The following TMEM167B variants were observed in gnomAD, a reference collection of about 807,000 sequenced individuals.
TMEM167B encodes transmembrane protein 167B, also known as protein kish-B.
TMEM167B carries 2 observed loss-of-function variants against 9.4 expected under a neutral mutation model. The observed-to-expected ratio is 0.21, with a 90% confidence interval of 0.09 to 0.67. The LOEUF (loss-of-function observed/expected upper bound fraction) is 0.67, where lower values mean the gene tolerates loss of function less well. TMEM167B is among the 30% of genes least tolerant of loss of function. TMEM167B has a pLI of 0.82. For synonymous variants in TMEM167B, 28 were observed against 32.0 expected (o/e 0.87, Z 0.42); for missense variants, 68 against 87.6 (o/e 0.78, Z 0.89).
Position 109,090,820 on chromosome 1 carries a change from G to C in TMEM167B, c.-53G>C. 1 of 1,566,750 alleles carries C rather than the reference G, an allele frequency of 6.4e-7. No individual in the cohort carries two copies. Among genetic ancestry groups the C allele is most frequent in the Admixed American group, 1.9e-5 (1 of 53,654 alleles). On this transcript the variant is annotated 5_prime_UTR_variant, in exon 1 of 3. Coordinates refer to ENST00000338272, the MANE Select transcript of TMEM167B (RefSeq NM_020141.4). ...GTCAAGCGGGCGCTCCCCCATCTCC[G>C]CCGCTATTACCACTGAACCCGGACC... is the stretch of plus-strand genomic sequence containing the variant.
chr1:109,093,318 C>T, intron 2 of TMEM167B: 1 of 277,858 alleles, frequency 3.6e-6, no homozygotes, highest in East Asian at 8.5e-5. Flanking sequence ...ACAGTGAGAC[C>T]CCATTTCTAC....
intron 1 of TMEM167B, 29 bp downstream of exon 1, chr1:109,090,911 G>A (rs374159165): frequency 6.3e-7 from 1 of 1,579,628 alleles, no homozygotes. Context: ...AGCGGAGGGT[G>A]GGAGTGAAGG....
intron 2 of TMEM167B, chr1:109,093,518 A>T (rs1183951540): frequency 6.5e-6 from 1 of 152,918 alleles, no homozygotes; most frequent in Admixed American, 6.5e-5. Context: ...ATTTAAAAAC[A>T]TAATTGTCTA....
rs773322002 is a variant in TMEM167B, at chr1:109,093,042, G to A, written c.142+21G>A. 1.9e-6 allele frequency: 3 copies of A among 1,613,708 alleles called. No homozygotes were observed. The Admixed American group carries it at 5.0e-5, about 27-fold the overall frequency. ...CAAAGGTGAGGCCATGTCTGGACAG[G>A]GAGAAGAGACTGCCATCTCTGGACA... On this transcript the variant is annotated intron_variant, in intron 2 of 2. Transcript: ENST00000338272.
chr1:109,092,770 C>T, intron 1 of TMEM167B, 120 bp from the exon 2 acceptor site: 2 of 1,137,444 alleles, frequency 1.8e-6, no homozygotes, highest in Non-Finnish European at 2.5e-6. Context: ...TCAGTACTGC[C>T]TGTTGAGGTT....
Position 109,094,458 on chromosome 1 carries a change from G to A in TMEM167B, c.184G>A (p.Ala62Thr), listed in dbSNP as rs1329296866. 2.5e-6 allele frequency: 4 copies of A among 1,613,940 alleles called. No homozygotes were observed. The Admixed American group carries it at 6.7e-5, about 27-fold the overall frequency. Reference protein sequence around the residue: ...GTRLHAAVAIACVVMAFYVLF... With the variant: ...GTRLHAAVAITCVVMAFYVLF... ...CAGGCTGCATGCTGCTGTGGCAATT[G>A]CTTGTGTTGTAATGGCCTTTTACGT... The change falls in exon 3 of 3, where the codon GCT becomes ACT. Residue 62 changes from alanine to threonine, a missense_variant. By Grantham distance (58) the Ala-to-Thr change is moderately conservative. Coordinates refer to ENST00000338272, the MANE Select transcript of TMEM167B (RefSeq NM_020141.4).
At position 109,095,586 on chromosome 1, in the gene TMEM167B, T is replaced by G. The variant is rs1175915407; in HGVS notation, c.*1087T>G. 2 of 152,210 alleles carry G rather than the reference T, an allele frequency of 1.3e-5. No homozygotes were observed. Among genetic ancestry groups the G allele is most frequent in the Non-Finnish European group, 2.9e-5 (2 of 68,040 alleles). The allele number at this position is 152,210 out of a possible 1,614,324, so 9.4% of individuals were successfully genotyped here. A position where few individuals can be genotyped will look rare whatever the true frequency, so the allele number is the denominator to read the frequency against. On this transcript the variant is annotated 3_prime_UTR_variant, in exon 3 of 3. Transcript: ENST00000338272. ...ATTACTTATTTTTCTTAGCCAAATT[T>G]TAATTTTCTTCATATTGCATTGCTC...
chr1:109,095,868 A>G lies in TMEM167B; in HGVS notation c.*1369A>G, dbSNP rs966281537. On this transcript the variant is annotated 3_prime_UTR_variant, in exon 3 of 3. Coordinates refer to ENST00000338272, the MANE Select transcript of TMEM167B (RefSeq NM_020141.4). ...ACTTCTCCATTCCCTGCTTATATCT[A>G]TGGAAGGATCAGCTGTTGGATGTCT... is the stretch of plus-strand genomic sequence containing the variant. The G allele has an allele frequency of 2.0e-5, 3 of 152,190 alleles. No homozygotes were observed. The highest frequency in any genetic ancestry group is 7.2e-5 in the African/African-American group (3 of 41,452). The allele number at this position is 152,190 out of a possible 1,614,324, so 9.4% of individuals were successfully genotyped here. A position where few individuals can be genotyped will look rare whatever the true frequency, so the allele number is the denominator to read the frequency against.
rs756029877 is a variant in TMEM167B, at chr1:109,094,414, T to C, written c.143-3T>C. On this transcript the variant is annotated splice_polypyrimidine_tract_variant and splice_region_variant and intron_variant, in intron 2 of 2. Coordinates refer to ENST00000338272, the MANE Select transcript of TMEM167B (RefSeq NM_020141.4). Reference sequence around the variant, plus strand: ...GTGATTTCTTCTCTCTTTTGCCTGCTAGCCGCTGTGATTGGAACCAGGCTG... The same window carrying C: ...GTGATTTCTTCTCTCTTTTGCCTGCCAGCCGCTGTGATTGGAACCAGGCTG... 1.2e-6 allele frequency: 2 copies of C among 1,614,066 alleles called. No individual in the cohort carries two copies. Among genetic ancestry groups the C allele is most frequent in the Middle Eastern group, 1.7e-4 (1 of 5,932 alleles).
intron 2 of TMEM167B, 87 bp downstream of exon 2, chr1:109,093,108 AT>A: frequency 6.6e-7 from 1 of 1,524,034 alleles, no homozygotes; most frequent in Non-Finnish European, 8.8e-7. Context: ...AGCTGGGATT[AT>A]ATTTGGTTTC....
Position 109,090,827 on chromosome 1 carries a change from TTA to T in TMEM167B, c.-45_-44del. On this transcript the variant is annotated 5_prime_UTR_variant, in exon 1 of 3. Transcript: ENST00000338272. ...GGGCGCTCCCCCATCTCCGCCGCTATTACCACTGAACCCGGACCCCCTACCCA... is the reference window on the plus strand; with the variant it reads ...GGGCGCTCCCCCATCTCCGCCGCTATCCACTGAACCCGGACCCCCTACCCA... 1 of 1,573,982 alleles carries T rather than the reference TTA, an allele frequency of 6.4e-7. No homozygotes were observed. Among genetic ancestry groups the T allele is most frequent in the Non-Finnish European group, 8.6e-7 (1 of 1,159,356 alleles).
Position 109,095,072 on chromosome 1 carries a change from AAG to A in TMEM167B, c.*577_*578del, listed in dbSNP as rs1664537289. ...AGAGAGGCATAGTGCTCATTGCAAA[AAG>A]AGAACAGATGAAGTAGCTGTGTTAT... is the stretch of plus-strand genomic sequence containing the variant. On this transcript the variant is annotated 3_prime_UTR_variant, in exon 3 of 3. Transcript: ENST00000338272. 1 of 152,320 alleles carries A rather than the reference AAG, an allele frequency of 6.6e-6. No individual in the cohort carries two copies. The highest frequency in any genetic ancestry group is 2.4e-5 in the African/African-American group (1 of 41,458). 9.4% of individuals were successfully genotyped at this position (152,320 alleles called of 1,614,324 possible).
intron 2 of TMEM167B, 37 bp from the exon 3 acceptor site, chr1:109,094,380 G>A (rs879130977): frequency 3.0e-5 from 49 of 1,606,576 alleles, no homozygotes; most frequent in Non-Finnish European, 3.8e-5. Flanking sequence ...CTTCGGTGAA[G>A]GGCAGGGTGT....
intron 1 of TMEM167B, among the ~76,000 whole-genome samples, chr1:109,092,081 G>A (rs1446437956): frequency 6.6e-6 from 1 of 152,148 alleles, no homozygotes; most frequent in Non-Finnish European, 1.5e-5. Context: ...GCAATTAGGT[G>A]ATTCATTGTG....
intron 2 of TMEM167B, chr1:109,093,342 A>C: frequency 3.9e-6 from 1 of 254,982 alleles, no homozygotes; most frequent in South Asian, 4.5e-5. Flanking sequence ...ATATACAAAA[A>C]TTAGCCAGGT....
Position 109,094,576 on chromosome 1 carries a change from G to T in TMEM167B, c.*77G>T. On this transcript the variant is annotated 3_prime_UTR_variant, in exon 3 of 3. Coordinates refer to ENST00000338272, the MANE Select transcript of TMEM167B (RefSeq NM_020141.4). ...AACCTGTTGGAGACCTGAACCCAGTGTAGGAGAGTTCAGCTGAAATCATCG... is the reference window on the plus strand; with the variant it reads ...AACCTGTTGGAGACCTGAACCCAGTTTAGGAGAGTTCAGCTGAAATCATCG... 1 of 1,410,462 alleles carries T rather than the reference G, an allele frequency of 7.1e-7. No individual in the cohort carries two copies. Among genetic ancestry groups the T allele is most frequent in the South Asian group, 1.2e-5 (1 of 86,328 alleles). 87.4% of individuals were successfully genotyped at this position (1,410,462 alleles called of 1,614,324 possible).
rs759988814 is a variant in TMEM167B at position 109,094,482 on chromosome 1, G to A, written c.208G>A (p.Val70Ile). ...TGCTTGTGTTGTAATGGCCTTTTACGTCCTGTTTATAAAATGAATTCCAAA... is the reference window on the plus strand; with the variant it reads ...TGCTTGTGTTGTAATGGCCTTTTACATCCTGTTTATAAAATGAATTCCAAA... The part of the protein sequence containing the change: ...AIACVVMAFY[V>I]LFIK The change falls in exon 3 of 3, where the codon GTC (valine) becomes ATC (isoleucine). Residue 70 changes from valine (V) to isoleucine (I), a missense_variant. Coordinates refer to ENST00000338272, the MANE Select transcript of TMEM167B (RefSeq NM_020141.4). 9.9e-6 allele frequency: 16 copies of A among 1,613,774 alleles called. No individual in the cohort carries two copies. Among genetic ancestry groups the A allele is most frequent in the South Asian group, 4.4e-5 (4 of 91,088 alleles).
intron 2 of TMEM167B, 118 bp from the exon 3 acceptor site, chr1:109,094,299 C>A: frequency 2.0e-6 from 2 of 1,002,314 alleles, no homozygotes; most frequent in Non-Finnish European, 3.0e-6. Flanking sequence ...TAAAAACATC[C>A]CAGGCCCTTG....
intron 1 of TMEM167B, 114 bp downstream of exon 1, chr1:109,090,996 C>T: frequency 4.5e-6 from 6 of 1,323,972 alleles, no homozygotes; most frequent in Admixed American, 2.6e-5. Flanking sequence ...CCCGGCCCCC[C>T]TTGGCCTCTC....
Sources: allele counts gnomAD v4.1 joint callset (sites outside exome capture counted in the v4.1 genomes callset), GRCh38; gene constraint gnomAD v4.1.1; transcripts MANE v1.5; gene names NCBI Gene and HGNC (gene_info 2026-07-23, HGNC 2026-07-21).